HEPHL1: variants seen among roughly 807,000 people sequenced by gnomAD.
HEPHL1 encodes the protein ferroxidase HEPHL1.
A neutral mutation model predicts 122.0 loss-of-function variants in HEPHL1; 123 were observed. The ratio of observed to expected loss-of-function variants is 1.01; its 90% CI spans 0.87 to 1.17. The LOEUF is 1.17. Among genes scored for constraint, HEPHL1 ranks in the 50% most tolerant of loss-of-function variants. The pLI is 0.00. For synonymous variants in HEPHL1, 527 were observed against 508.9 expected (o/e 1.04, Z -0.48); for missense variants, 1,452 against 1,430.5 (o/e 1.01, Z -0.24).
chr11:94,034,056 CAAG>C (rs1350043499), intron 1 of HEPHL1, among the ~76,000 whole-genome samples: 1 of 152,054 alleles, frequency 6.6e-6, no homozygotes, highest in Non-Finnish European at 1.5e-5. Context: ...TGGTGTGTAC[CAAG>C]AAGAGAGTGT....
intron 1 of HEPHL1, among the ~76,000 whole-genome samples, chr11:94,022,284 C>T (rs1204308113): frequency 6.6e-6 from 1 of 152,166 alleles, no homozygotes; most frequent in Non-Finnish European, 1.5e-5. Flanking sequence ...CTGAAGTCAC[C>T]TCCTGACTCC....
At chr11:94,108,215 A>C (rs1167974362) in intron 17 of HEPHL1, among the ~76,000 whole-genome samples, 2 of 152,050 alleles carry the variant, frequency 1.3e-5, no homozygotes, top group Non-Finnish European at 2.9e-5. Context: ...ATCTTTGGTG[A>C]AGTGTCCAAA....
intron 1 of HEPHL1, among the ~76,000 whole-genome samples, chr11:94,029,066 T>A (rs1945649864): frequency 6.6e-6 from 1 of 152,224 alleles, no homozygotes; most frequent in Non-Finnish European, 1.5e-5. Flanking sequence ...TAGCCTCAAG[T>A]GATCCTCCCA....
intron 1 of HEPHL1, among the ~76,000 whole-genome samples, chr11:94,042,511 G>T (rs1429330393): frequency 6.7e-6 from 1 of 148,284 alleles, no homozygotes; most frequent in Non-Finnish European, 1.5e-5. Flanking sequence ...TTAAGAAAAT[G>T]TGGCACATAT....
At chr11:94,036,015 C>A (rs1270146344) in intron 1 of HEPHL1, among the ~76,000 whole-genome samples, 1 of 152,208 alleles carries the variant, frequency 6.6e-6, no homozygotes, top group Non-Finnish European at 1.5e-5. Context: ...GGATTACAGG[C>A]GTGAGCCAAC....
At chr11:94,111,204 A>G in intron 18 of HEPHL1, 139 bp downstream of exon 18, 1 of 698,698 alleles carries the variant, frequency 1.4e-6, no homozygotes, top group Non-Finnish European at 2.4e-6. Flanking sequence ...GTAAATATGT[A>G]ACTATAATCA....
chr11:94,045,279 A>T (rs184516148), intron 1 of HEPHL1, among the ~76,000 whole-genome samples: 89 of 152,368 alleles, frequency 5.8e-4, no homozygotes, highest in African/African-American at 2.0e-3. Context: ...ACACTTAATT[A>T]TCTAAGCCCA....
intron 4 of HEPHL1, among the ~76,000 whole-genome samples, chr11:94,067,126 A>G (rs1168951387): frequency 6.6e-6 from 1 of 152,150 alleles, no homozygotes; most frequent in African/African-American, 2.4e-5. Flanking sequence ...GGAGCACAGA[A>G]TCTGGTGAAG....
At chr11:94,056,314 A>G (rs1489977941) in intron 2 of HEPHL1, among the ~76,000 whole-genome samples, 1 of 152,052 alleles carries the variant, frequency 6.6e-6, no homozygotes, top group Non-Finnish European at 1.5e-5. Flanking sequence ...CAATCTCTAC[A>G]TTTTGATTGT....
At chr11:94,053,105 C>G (rs971121721) in intron 2 of HEPHL1, among the ~76,000 whole-genome samples, 1 of 151,954 alleles carries the variant, frequency 6.6e-6, no homozygotes, top group African/African-American at 2.4e-5. Flanking sequence ...CCTGAATTTA[C>G]TTTCAGGGAG....
At chr11:94,092,387 T>C (rs1229454943) in intron 12 of HEPHL1, among the ~76,000 whole-genome samples, 2 of 152,220 alleles carry the variant, frequency 1.3e-5, no homozygotes, top group African/African-American at 4.8e-5. Context: ...GTGACATTTT[T>C]GTGGTCATTT....
chr11:94,087,257 A>G (rs1946225906), intron 11 of HEPHL1, among the ~76,000 whole-genome samples: 1 of 152,166 alleles, frequency 6.6e-6, no homozygotes, highest in South Asian at 2.1e-4. Context: ...GAAATAGCCA[A>G]ATCATTTTAA....
At chr11:94,105,906 G>A in intron 16 of HEPHL1, 85 bp from the exon 17 acceptor site, 2 of 894,960 alleles carry the variant, frequency 2.2e-6, no homozygotes, top group Non-Finnish European at 3.2e-6. Context: ...GAAAATATCA[G>A]TGACCTAAAG....
intron 13 of HEPHL1, among the ~76,000 whole-genome samples, chr11:94,094,362 T>C (rs1415994780): frequency 1.3e-5 from 2 of 152,078 alleles, no homozygotes; most frequent in Non-Finnish European, 2.9e-5. Flanking sequence ...TATTCCATGG[T>C]GTATATGTGC....
intron 9 of HEPHL1, 106 bp downstream of exon 9, chr11:94,075,491 T>C (rs1175210588): frequency 1.3e-6 from 1 of 754,794 alleles, no homozygotes; most frequent in African/African-American, 1.7e-5. Flanking sequence ...CAATTTGTCT[T>C]TCTTCCTCTT....
intron 1 of HEPHL1, among the ~76,000 whole-genome samples, chr11:94,031,224 C>T (rs1011590375): frequency 3.9e-5 from 6 of 152,060 alleles, no homozygotes; most frequent in South Asian, 2.1e-4. Flanking sequence ...ACTTCTCCTC[C>T]GTCCTCCCTC....
At chr11:94,067,407 CAGCCATGCTTA>C in intron 4 of HEPHL1, 78 bp from the exon 5 acceptor site, 1 of 1,325,686 alleles carries the variant, frequency 7.5e-7, no homozygotes, top group Non-Finnish European at 1.1e-6. Context: ...ACTGGTTTTC[CAGCCATGCTTA>C]AGCCCGTATT....
chr11:94,106,494 A>C (rs938335594), intron 17 of HEPHL1, among the ~76,000 whole-genome samples: 1 of 151,620 alleles, frequency 6.6e-6, no homozygotes, highest in Non-Finnish European at 1.5e-5. Context: ...ACGGGGTTTC[A>C]CCATGTTAGC....
chr11:94,055,677 G>T, intron 2 of HEPHL1: 1 of 387,456 alleles, frequency 2.6e-6, no homozygotes, highest in South Asian at 2.1e-5. Flanking sequence ...GCTGGCTAGT[G>T]ACAGGCTGGA....
Sources: allele counts gnomAD v4.1 joint callset (sites outside exome capture counted in the v4.1 genomes callset), GRCh38; gene constraint gnomAD v4.1.1; transcripts MANE v1.5; gene names NCBI Gene and HGNC (gene_info 2026-07-23, HGNC 2026-07-21).